CHD2: variants seen among roughly 807,000 people sequenced by gnomAD.
The protein encoded by CHD2 is ATP-dependent chromatin remodeler CHD2.
In CHD2, 28 loss-of-function variants were observed where a neutral mutation model predicts 243.9. That is an observed-to-expected ratio of 0.11 (90% CI 0.09 to 0.16). The LOEUF (loss-of-function observed/expected upper bound fraction) is 0.16, where lower values mean the gene tolerates loss of function less well. Among genes scored for constraint, CHD2 ranks in the 10% least tolerant of loss-of-function variants. The probability of loss-of-function intolerance (pLI) is 1.00; values close to 1 mark genes in which losing one functional copy is unlikely to be tolerated. For synonymous variants in CHD2, 775 were observed against 779.0 expected (o/e 0.99, Z 0.09); for missense variants, 1,386 against 2,209.8 (o/e 0.63, Z 7.47).
intron 2 of CHD2, chr15:92,904,680 C>T: frequency 7.5e-7 from 1 of 1,340,492 alleles, no homozygotes; most frequent in Non-Finnish European, 9.6e-7. Flanking sequence ...AGTGCAGGCA[C>T]TATTTATAAA....
At chr15:93,002,387 A>G (rs574139954) in intron 33 of CHD2, 70 bp downstream of exon 33, 3 of 1,555,270 alleles carry the variant, frequency 1.9e-6, no homozygotes, top group Non-Finnish European at 1.7e-6. Context: ...TTAGAAGTAG[A>G]ATGAGATTTG....
At chr15:92,949,287 G>T (rs989559408) in intron 13 of CHD2, 3 of 1,259,332 alleles carry the variant, frequency 2.4e-6, no homozygotes, top group Admixed American at 3.8e-5. Context: ...CTGATCTAAA[G>T]AATACTTTAT....
At chr15:92,928,814 C>A (rs1424299269) in intron 4 of CHD2, among the ~76,000 whole-genome samples, 1 of 152,146 alleles carries the variant, frequency 6.6e-6, no homozygotes, top group African/African-American at 2.4e-5. Context: ...TAAATATTTC[C>A]TGGCTTTAGA....
chr15:92,967,780 C>T (rs1324906619), intron 17 of CHD2, among the ~76,000 whole-genome samples: 2 of 151,934 alleles, frequency 1.3e-5, no homozygotes, highest in East Asian at 3.9e-4. Context: ...CCGCCCACCT[C>T]GGCCTCCCAA....
In CHD2 at chr15:92,942,851, G is replaced by A. The variant is rs1313540517; in HGVS notation, c.835G>A (p.Ala279Thr). 2.5e-6 allele frequency: 4 copies of A among 1,602,688 alleles called. No individual in the cohort carries two copies. Among genetic ancestry groups the A allele is most frequent in the African/African-American group, 2.7e-5 (2 of 74,186 alleles). ...ACTTAATCCTTTTGCAGCCACTGGA[G>A]CATCTACTACTGTATATGCGATTGA... The part of the protein sequence containing the change: ...SRLGKKGATG[A>T]STTVYAIEAN... The change falls in exon 9 of 39, where the codon GCA (alanine) becomes ACA (threonine). Residue 279 changes from alanine (A) to threonine (T), a missense_variant. Ala to Thr is a moderately conservative substitution (Grantham distance 58). This residue lies in a region of CHD2 where 200 missense variants were observed against 292.5 expected (regional missense o/e 0.68). Coordinates refer to ENST00000394196, the MANE Select transcript of CHD2 (RefSeq NM_001271.4).
At chr15:92,944,314 TA>T (rs2053429063) in intron 9 of CHD2, 100 bp from the exon 10 acceptor site, 2 of 579,456 alleles carry the variant, frequency 3.5e-6, no homozygotes, top group East Asian at 5.4e-5. Context: ...CAGATGGGAG[TA>T]AAAAATAGGT....
chr15:92,925,491 T>C lies in CHD2; in HGVS notation c.294+939T>C, dbSNP rs556810902. Among the ~76,000 whole-genome samples, 119 of 152,338 alleles carry C rather than the reference T, an allele frequency of 7.8e-4. 3 individuals carry two copies. The South Asian group carries it at 0.015, about 19-fold the overall frequency. On this transcript the variant is annotated intron_variant, in intron 3 of 38. Transcript: ENST00000394196. ...GTTGAGCTAGAATGCCTGGCTGGTATCTTGAAGTGATAAAACTAGTTGATG... is the reference window on the plus strand; with the variant it reads ...GTTGAGCTAGAATGCCTGGCTGGTACCTTGAAGTGATAAAACTAGTTGATG...
intron 2 of CHD2, among the ~76,000 whole-genome samples, chr15:92,918,251 A>G (rs1405710203): frequency 6.6e-6 from 1 of 152,234 alleles, no homozygotes; most frequent in African/African-American, 2.4e-5. Flanking sequence ...TTGAAGAGAT[A>G]CCAAATTCTT....
chr15:92,995,402 G>A (rs925201759), intron 28 of CHD2, among the ~76,000 whole-genome samples: 1 of 152,070 alleles, frequency 6.6e-6, no homozygotes, highest in Non-Finnish European at 1.5e-5. Context: ...TTGTTCCCCA[G>A]CTGCCTTCTC....
intron 2 of CHD2, among the ~76,000 whole-genome samples, chr15:92,905,653 C>G (rs17704838): frequency 0.23 from 34,999 of 152,078 alleles, 4,699 homozygotes; most frequent in East Asian, 0.62. Flanking sequence ...TTTGTAGGTT[C>G]TCATAATCTA....
intron 16 of CHD2, among the ~76,000 whole-genome samples, chr15:92,964,658 A>C (rs575648411): frequency 6.6e-5 from 10 of 152,270 alleles, no homozygotes; most frequent in Non-Finnish European, 1.3e-4. Context: ...TCTGACAGGG[A>C]GTACACATGA....
intron 28 of CHD2, among the ~76,000 whole-genome samples, chr15:92,995,504 C>T (rs1320403533): frequency 6.6e-6 from 1 of 151,744 alleles, no homozygotes; most frequent in Non-Finnish European, 1.5e-5. Context: ...GTGTATTTTC[C>T]TTCTTACACA....
intron 38 of CHD2, among the ~76,000 whole-genome samples, chr15:93,022,891 G>A (rs886332260): frequency 6.6e-5 from 10 of 152,160 alleles, no homozygotes; most frequent in South Asian, 2.1e-4. Flanking sequence ...CTGATGTCTG[G>A]TGTCTTGAAA....
chr15:92,929,294 T>G (rs115006661), intron 5 of CHD2, among the ~76,000 whole-genome samples: 199 of 152,244 alleles, frequency 1.3e-3, no homozygotes, highest in African/African-American at 4.6e-3. Context: ...GTTTAACACA[T>G]GGAAGGGGTC....
chr15:93,000,237 G>C (rs576044782), intron 31 of CHD2, among the ~76,000 whole-genome samples: 1 of 152,172 alleles, frequency 6.6e-6, no homozygotes, highest in African/African-American at 2.4e-5. Flanking sequence ...CTACACTCCA[G>C]CCTGGGTGAC....
Position 93,024,561 on chromosome 15 carries a change from C to T in CHD2, c.5343C>T (p.His1781=), listed in dbSNP as rs190327730. ...GEYKQPLPPL[H]PAVSDPRSPP... ...ATAAACAGCCTCTACCCCCATTGCA[C>T]CCTGCAGTCTCAGATCCTCGCTCAC... Residue 1781 remains histidine (H), a synonymous_variant, in exon 39 of 39, where the codon CAC becomes CAT. Coordinates refer to ENST00000394196, the MANE Select transcript of CHD2 (RefSeq NM_001271.4). The T allele has an allele frequency of 2.5e-6, 4 of 1,614,214 alleles. No homozygotes were observed. The highest frequency in any genetic ancestry group is 3.3e-5 in the Admixed American group (2 of 60,030).
At chr15:92,923,823 C>G (rs1030220473) in intron 2 of CHD2, among the ~76,000 whole-genome samples, 4 of 152,170 alleles carry the variant, frequency 2.6e-5, no homozygotes, top group Admixed American at 1.3e-4. Context: ...CTCGGCCTCC[C>G]AAAGTGCTGG....
chr15:92,984,258 A>T (rs1328825646), intron 24 of CHD2, 72 bp from the exon 25 acceptor site: 2 of 1,201,126 alleles, frequency 1.7e-6, no homozygotes, highest in Non-Finnish European at 2.2e-6. Flanking sequence ...AGATAAAAAC[A>T]CTGGATAAAT....
intron 13 of CHD2, among the ~76,000 whole-genome samples, chr15:92,951,645 G>A (rs1294799345): frequency 6.6e-6 from 1 of 152,176 alleles, no homozygotes; most frequent in African/African-American, 2.4e-5. Flanking sequence ...GTAGACAATG[G>A]CATTTTCTAG....
Sources: allele counts gnomAD v4.1 joint callset (sites outside exome capture counted in the v4.1 genomes callset), GRCh38; gene constraint gnomAD v4.1.1; regional missense constraint gnomAD v4.1.1; transcripts MANE v1.5; gene names NCBI Gene and HGNC (gene_info 2026-07-23, HGNC 2026-07-21).